The following ABI3BP variants were observed in gnomAD, a reference collection of about 807,000 sequenced individuals.
ABI3BP encodes the protein ABI family member 3 binding protein.
ABI3BP carries 216 observed loss-of-function variants against 268.6 expected under a neutral mutation model. The observed-to-expected ratio is 0.80, with a 90% CI of 0.72 to 0.90. The LOEUF (loss-of-function observed/expected upper bound fraction) is 0.90, where lower values mean the gene tolerates loss of function less well. ABI3BP is among the 40% of genes least tolerant of loss of function. The pLI, the probability that ABI3BP is intolerant of heterozygous loss-of-function variation, is 0.00. For synonymous variants in ABI3BP, 730 were observed against 730.0 expected (o/e 1.00, Z 0.00); for missense variants, 2,090 against 2,182.4 (o/e 0.96, Z 0.84).
At chr3:100,825,992 C>T (rs1458047385) in intron 34 of ABI3BP, 148 bp from the exon 35 acceptor site, 2 of 655,118 alleles carry the variant, frequency 3.1e-6, no homozygotes, top group African/African-American at 3.6e-5. Context: ...ATATTTCCAC[C>T]CCTCACCCCC....
At chr3:100,987,516 T>C (rs2092120645) in intron 1 of ABI3BP, among the ~76,000 whole-genome samples, 1 of 152,226 alleles carries the variant, frequency 6.6e-6, no homozygotes, top group African/African-American at 2.4e-5. Context: ...AGGTTCTAAA[T>C]TTAGCATCAG....
Position 100,840,121 on chromosome 3 carries a change from ACGGGGG to A in ABI3BP, c.1842_1847del (p.Arg618_Pro619del). 5.8e-6 allele frequency: 3 copies of A among 515,454 alleles called. No homozygotes were observed. The highest frequency in any genetic ancestry group is 9.2e-6 in the Non-Finnish European group (3 of 327,150). The allele number at this position is 515,454 out of a possible 1,614,324, so 31.9% of individuals were successfully genotyped here. A position where few individuals can be genotyped will look rare whatever the true frequency, so the allele number is the denominator to read the frequency against. ...GACTAGGTGTGGTTTTAGGGCGGGG[ACGGGGG>A]CGGGGGCGACGACCTGGTCTTTTGG... On this transcript the variant is annotated inframe_deletion, in exon 23 of 68. Coordinates refer to ENST00000471714, the MANE Select transcript of ABI3BP (RefSeq NM_001375547.2).
At chr3:100,876,166 A>C (rs1274123427) in intron 7 of ABI3BP, among the ~76,000 whole-genome samples, 1 of 152,196 alleles carries the variant, frequency 6.6e-6, no homozygotes, top group East Asian at 1.9e-4. Flanking sequence ...GGATATCTTT[A>C]CTTTCCTTAA....
chr3:100,833,319 T>C (rs1395528621), intron 29 of ABI3BP, among the ~76,000 whole-genome samples, 162 bp from the exon 30 acceptor site: 1 of 152,210 alleles, frequency 6.6e-6, no homozygotes, highest in African/African-American at 2.4e-5. Flanking sequence ...ACATATTTAT[T>C]TGCTTTTATG....
intron 1 of ABI3BP, among the ~76,000 whole-genome samples, chr3:100,974,709 A>G (rs2085260502): frequency 6.6e-6 from 1 of 152,214 alleles, no homozygotes; most frequent in Non-Finnish European, 1.5e-5. Flanking sequence ...GCAATTAGAT[A>G]GACAAAGGAA....
At chr3:100,775,451 A>C in intron 59 of ABI3BP, 116 bp from the exon 60 acceptor site, 1 of 1,379,408 alleles carries the variant, frequency 7.2e-7, no homozygotes, top group African/African-American at 1.5e-5. Flanking sequence ...GGCACTATAG[A>C]CCAGGCTTGG....
intron 1 of ABI3BP, among the ~76,000 whole-genome samples, chr3:100,967,976 A>G (rs1317517911): frequency 1.3e-5 from 2 of 152,152 alleles, no homozygotes; most frequent in African/African-American, 4.8e-5. Context: ...ATTCACTGAA[A>G]TGACTGAGAT....
chr3:100,775,664 T>G (rs571372759), intron 59 of ABI3BP, among the ~76,000 whole-genome samples: 1 of 151,924 alleles, frequency 6.6e-6, no homozygotes, highest in Non-Finnish European at 1.5e-5. Context: ...GATGTGCCAA[T>G]AGAGGAGAAG....
At chr3:100,952,852 T>C (rs2075583669) in intron 1 of ABI3BP, 1 of 152,206 alleles carries the variant, frequency 6.6e-6, no homozygotes, top group East Asian at 1.9e-4. Flanking sequence ...CCATCTCAAC[T>C]TGGAATTGTT....
Position 100,770,913 on chromosome 3 carries a change from G to A in ABI3BP, c.4571C>T (p.Pro1524Leu). ...TTTGACAGAGTCAGTAATGGAGCAG[G>A]GACTGTTGTCAGGCTTTTGGATGTA... ...VRYIQKPDNS[P>L]CSITDSVKRF... The change falls in exon 62 of 68, where the codon CCC becomes CTC. Residue 1524 changes from proline (P) to leucine (L), a missense_variant. Pro to Leu is a moderately conservative substitution (Grantham distance 98, BLOSUM62 -3). Coordinates refer to ENST00000471714, the MANE Select transcript of ABI3BP (RefSeq NM_001375547.2). 1 of 1,597,870 alleles carries A rather than the reference G, an allele frequency of 6.3e-7. No homozygotes were observed. The highest frequency in any genetic ancestry group is 1.1e-5 in the South Asian group (1 of 87,230).
intron 1 of ABI3BP, among the ~76,000 whole-genome samples, chr3:100,934,135 C>G (rs1476687563): frequency 6.6e-6 from 1 of 151,854 alleles, no homozygotes; most frequent in Non-Finnish European, 1.5e-5. Context: ...CTCCCCTAAC[C>G]CCCCACCCCC....
rs565668207 is a variant in ABI3BP at position 100,755,884 on chromosome 3, A to C, written c.4851-1193T>G. Among the ~76,000 whole-genome samples the C allele has an allele frequency of 2.0e-5, 3 of 152,334 alleles. No homozygotes were observed. The East Asian group carries it at 5.8e-4, about 29-fold the overall frequency. On this transcript the variant is annotated intron_variant, in intron 63 of 67. Coordinates refer to ENST00000471714, the MANE Select transcript of ABI3BP (RefSeq NM_001375547.2). ...TCTTTGAGAAGTTTATAATTAAATA[A>C]GAATGCAGAATGCACAAAAGATAGA...
chr3:100,914,785 T>A (rs771086387), intron 2 of ABI3BP, among the ~76,000 whole-genome samples: 1 of 152,160 alleles, frequency 6.6e-6, no homozygotes, highest in Non-Finnish European at 1.5e-5. Context: ...TCTGCCATAA[T>A]TGATCACCAT....
chr3:100,955,639 ATACTT>A (rs1446884346), intron 1 of ABI3BP, among the ~76,000 whole-genome samples: 5 of 152,206 alleles, frequency 3.3e-5, no homozygotes, highest in African/African-American at 1.2e-4. Context: ...AGTATTAACA[ATACTT>A]TACACGTGGA....
intron 1 of ABI3BP, among the ~76,000 whole-genome samples, chr3:100,975,406 G>C (rs936096547): frequency 6.6e-6 from 1 of 152,064 alleles, no homozygotes; most frequent in Admixed American, 6.6e-5. Context: ...AGCTGCCTTG[G>C]GGGAGATGGG....
At chr3:100,828,292 C>T in intron 34 of ABI3BP, 101 bp downstream of exon 34, 1 of 1,100,534 alleles carries the variant, frequency 9.1e-7, no homozygotes, top group Admixed American at 2.3e-5. Context: ...GCATGTTCAA[C>T]CGTTACAAAA....
chr3:100,992,224 C>T lies in ABI3BP; in HGVS notation c.79+1082G>A, dbSNP rs1020664637. Among the ~76,000 whole-genome samples, 4 of 152,074 alleles carry T rather than the reference C, an allele frequency of 2.6e-5. No individual in the cohort carries two copies. In the South Asian group the frequency reaches 6.2e-4, roughly 24 times the overall value. On this transcript the variant is annotated intron_variant, in intron 1 of 67. Transcript: ENST00000471714. Reference sequence around the variant, plus strand: ...TCGTGTGAAATATCAACTAGCCAACCGCTTCAGCCTTCACATGCTGGATTC... The same window carrying T: ...TCGTGTGAAATATCAACTAGCCAACTGCTTCAGCCTTCACATGCTGGATTC...
chr3:100,848,915 T>C lies in ABI3BP; in HGVS notation c.1502-40A>G, dbSNP rs1251667971. 8.3e-6 allele frequency: 13 copies of C among 1,566,626 alleles called. No individual in the cohort carries two copies. The East Asian group carries it at 2.9e-4, about 35-fold the overall frequency. On this transcript the variant is annotated intron_variant, in intron 17 of 67. Transcript: ENST00000471714. Reference sequence around the variant, plus strand: ...AATATAGCTTTGATAAATGATATTTTTCAGGGGTCAATCAGGTTGTGCCTG... The same window carrying C: ...AATATAGCTTTGATAAATGATATTTCTCAGGGGTCAATCAGGTTGTGCCTG...
At chr3:100,823,570 C>T in intron 36 of ABI3BP, 56 bp from the exon 37 acceptor site, 1 of 1,349,736 alleles carries the variant, frequency 7.4e-7, no homozygotes, top group South Asian at 1.4e-5. Context: ...GAAGTTAGAA[C>T]ACTCACATGC....
Sources: allele counts gnomAD v4.1 joint callset (sites outside exome capture counted in the v4.1 genomes callset), GRCh38; gene constraint gnomAD v4.1.1; transcripts MANE v1.5; gene names NCBI Gene and HGNC (gene_info 2026-07-23, HGNC 2026-07-21).